GADL1: variants seen among roughly 807,000 people sequenced by gnomAD.
The protein encoded by GADL1 is acidic amino acid decarboxylase GADL1.
A neutral mutation model predicts 69.5 loss-of-function variants in GADL1; 71 were observed. That is an observed-to-expected ratio of 1.02 (90% CI 0.84 to 1.25). GADL1 has a LOEUF of 1.25. Ranked by LOEUF, GADL1 falls within the 50% of genes most tolerant of loss-of-function variation. GADL1 has a pLI of 0.00. For synonymous variants in GADL1, 254 were observed against 214.4 expected (o/e 1.18, Z -1.62); for missense variants, 737 against 631.8 (o/e 1.17, Z -1.79).
intron 11 of GADL1, among the ~76,000 whole-genome samples, chr3:30,822,847 A>G (rs988661706): frequency 6.6e-6 from 1 of 152,042 alleles, no homozygotes; most frequent in Non-Finnish European, 1.5e-5. Flanking sequence ...TTTGCTTAAA[A>G]TGTTACTAAC....
chr3:30,791,148 T>C (rs2372216), intron 12 of GADL1, among the ~76,000 whole-genome samples: 21,881 of 152,140 alleles, frequency 0.14, 4,130 homozygotes, highest in African/African-American at 0.42. Context: ...GTTTCATACA[T>C]GTGGTTACTT....
chr3:30,879,313 C>T (rs1237808280), intron 1 of GADL1, among the ~76,000 whole-genome samples: 4 of 151,840 alleles, frequency 2.6e-5, no homozygotes, highest in Admixed American at 6.6e-5. Flanking sequence ...GAAAATGCAT[C>T]CCATAGCTTT....
intron 11 of GADL1, among the ~76,000 whole-genome samples, chr3:30,809,801 T>A (rs1697319368): frequency 6.6e-6 from 1 of 152,220 alleles, no homozygotes; most frequent in African/African-American, 2.4e-5. Context: ...AAAAGTGAAA[T>A]TTTTAAACAC....
chr3:30,768,045 C>T (rs1025731785), intron 14 of GADL1, among the ~76,000 whole-genome samples: 5 of 137,368 alleles, frequency 3.6e-5, no homozygotes, highest in Non-Finnish European at 7.9e-5. Flanking sequence ...ACCCCCCCCC[C>T]CCTTATCCTT....
chr3:30,844,167 A>G (rs559726714), intron 8 of GADL1, 43 bp downstream of exon 8: 80 of 1,470,842 alleles, frequency 5.4e-5, no homozygotes, highest in Middle Eastern at 1.8e-4. Flanking sequence ...GCGTGCGCGC[A>G]CACACACACG....
intron 1 of GADL1, among the ~76,000 whole-genome samples, chr3:30,894,025 T>C (rs1441495387): frequency 6.6e-6 from 1 of 152,242 alleles, no homozygotes; most frequent in Non-Finnish European, 1.5e-5. Context: ...AAGTGGCACC[T>C]GAGTTATAAA....
At chr3:30,801,349 C>G (rs1697161301) in intron 11 of GADL1, among the ~76,000 whole-genome samples, 2 of 152,050 alleles carry the variant, frequency 1.3e-5, no homozygotes, top group African/African-American at 4.8e-5. Flanking sequence ...GCTGAGAAGA[C>G]CATGTCATTA....
intron 14 of GADL1, among the ~76,000 whole-genome samples, chr3:30,763,013 AAC>A (rs1696179709): frequency 6.6e-6 from 1 of 152,318 alleles, no homozygotes; most frequent in African/African-American, 2.4e-5. Flanking sequence ...AGCTATTGTA[AAC>A]AGTGTGCTAC....
intron 1 of GADL1, among the ~76,000 whole-genome samples, chr3:30,864,251 A>ATT (rs57172592): frequency 6.8e-6 from 1 of 147,962 alleles, no homozygotes; most frequent in African/African-American, 2.5e-5. Flanking sequence ...AAAAGTTAAG[A>ATT]TTTTTTTTTT....
At chr3:30,828,509 C>T (rs1325437154) in intron 11 of GADL1, among the ~76,000 whole-genome samples, 4 of 151,232 alleles carry the variant, frequency 2.6e-5, no homozygotes, top group Non-Finnish European at 5.9e-5. Context: ...GTCTATATTC[C>T]AAGCCTCCTC....
chr3:30,855,954 A>G (rs1463170504), intron 3 of GADL1, among the ~76,000 whole-genome samples: 3 of 149,296 alleles, frequency 2.0e-5, no homozygotes, highest in South Asian at 2.1e-4. Context: ...CGGCATTGCT[A>G]CAAGTAATTT....
chr3:30,754,024 C>T (rs1220125172), intron 14 of GADL1, among the ~76,000 whole-genome samples: 1 of 152,224 alleles, frequency 6.6e-6, no homozygotes, highest in South Asian at 2.1e-4. Context: ...GGGCTACTTG[C>T]ATTACCAATT....
At chr3:30,832,924 A>G (rs1308746161) in intron 11 of GADL1, among the ~76,000 whole-genome samples, 2 of 138,074 alleles carry the variant, frequency 1.4e-5, no homozygotes, top group Non-Finnish European at 3.0e-5. Flanking sequence ...GGACAGTCTG[A>G]TCATGTCAAA....
intron 8 of GADL1, among the ~76,000 whole-genome samples, chr3:30,843,508 A>G (rs1056192322): frequency 6.6e-6 from 1 of 152,108 alleles, no homozygotes; most frequent in Non-Finnish European, 1.5e-5. Context: ...TGCCCGCCTC[A>G]GCCTCCCAAA....
rs969129949 is a variant in GADL1, at chr3:30,850,895, C to A, written c.475G>T (p.Val159Phe). Residue 159 changes from valine (V) to phenylalanine (F), a missense_variant, in exon 5 of 15, where the codon GTT (valine) becomes TTT (phenylalanine). Val to Phe is a conservative substitution (Grantham distance 50). Coordinates refer to ENST00000282538, the MANE Select transcript of GADL1 (RefSeq NM_207359.3). ...ATAAATTCAATCATTTTCTTCAGAA[C>A]CGCTTCTTCCACTAACAGAAACACT... is the stretch of plus-strand genomic sequence containing the variant. ...SPVFLLVEEA[V>F]LKKMIEFIGW... is the part of the protein sequence containing the mutation. 2.6e-6 allele frequency: 4 copies of A among 1,550,400 alleles called. No individual in the cohort carries two copies. The African/African-American group carries it at 5.5e-5, about 21-fold the overall frequency.
chr3:30,839,087 G>C lies in GADL1; in HGVS notation c.813C>G (p.Ala271=). 6.2e-7 allele frequency: 1 copy of C among 1,601,370 alleles called. No individual in the cohort carries two copies. Among genetic ancestry groups the C allele is most frequent in the Admixed American group, 1.7e-5 (1 of 58,146 alleles). Residue 271 remains alanine, a synonymous_variant, in exon 9 of 15, where the codon GCC becomes GCG. Transcript: ENST00000282538. ...CTCCCAACACAGTTGTACCAGAAGT[G>C]GCACAGACAAGAAACGGTGCTGCCC... ...KEGAAPFLVC[A]TSGTTVLGAF...
At chr3:30,796,827 A>C (rs1697042414) in intron 12 of GADL1, among the ~76,000 whole-genome samples, 1 of 152,140 alleles carries the variant, frequency 6.6e-6, no homozygotes, top group Non-Finnish European at 1.5e-5. Flanking sequence ...CTTACTACCG[A>C]GAGTCCTCAT....
chr3:30,762,318 C>CT (rs971759352), intron 14 of GADL1, among the ~76,000 whole-genome samples: 1 of 152,172 alleles, frequency 6.6e-6, no homozygotes, highest in African/African-American at 2.4e-5. Flanking sequence ...GCTTCCTTTT[C>CT]TACCTGGTAG....
intron 10 of GADL1, 128 bp from the exon 11 acceptor site, chr3:30,834,062 A>G (rs1697833581): frequency 1.8e-5 from 16 of 905,058 alleles, no homozygotes; most frequent in Non-Finnish European, 2.7e-5. Flanking sequence ...AGAACTCCTT[A>G]TCTGAGTGGT....
Sources: allele counts gnomAD v4.1 joint callset (sites outside exome capture counted in the v4.1 genomes callset), GRCh38; gene constraint gnomAD v4.1.1; transcripts MANE v1.5; gene names NCBI Gene and HGNC (gene_info 2026-07-23, HGNC 2026-07-21).